Variants in CNTN4 observed in about 807,000 individuals in gnomAD.
The protein encoded by CNTN4 is contactin 4, also known as contactin-4.
In CNTN4, 77 loss-of-function variants were observed where a neutral mutation model predicts 122.5. The ratio of observed to expected loss-of-function variants is 0.63; its 90% CI spans 0.52 to 0.76. CNTN4 has a LOEUF of 0.76. Among genes scored for constraint, CNTN4 ranks in the 30% least tolerant of loss-of-function variants. The pLI is 0.00. For missense variants in CNTN4, 1,256 were observed against 1,259.1 expected (o/e 1.00, Z 0.04); for synonymous variants, 512 against 447.0 (o/e 1.15, Z -1.83).
chr3:2,521,259 A>G (rs886231778), intron 3 of CNTN4, among the ~76,000 whole-genome samples: 7 of 151,932 alleles, frequency 4.6e-5, no homozygotes, highest in Non-Finnish European at 7.4e-5. Flanking sequence ...GTTTGAAGAT[A>G]GGATTTTGTA....
intron 13 of CNTN4, among the ~76,000 whole-genome samples, chr3:2,937,100 C>A (rs2094573485): frequency 6.6e-6 from 1 of 152,222 alleles, no homozygotes; most frequent in Admixed American, 6.5e-5. Context: ...TTCATAGTAA[C>A]ATGATCTTCC....
intron 6 of CNTN4, among the ~76,000 whole-genome samples, chr3:2,754,038 A>G (rs1236592650): frequency 6.6e-6 from 1 of 152,210 alleles, no homozygotes; most frequent in Non-Finnish European, 1.5e-5. Flanking sequence ...TATGGTGAAT[A>G]ACTGGTTGGT....
At chr3:2,497,735 C>G (rs1455610387) in intron 3 of CNTN4, among the ~76,000 whole-genome samples, 3 of 152,146 alleles carry the variant, frequency 2.0e-5, no homozygotes, top group African/African-American at 7.2e-5. Flanking sequence ...TTTATTCTCT[C>G]TTATGACTTT....
In CNTN4 at chr3:2,179,345, T is replaced by A. The variant is rs556178789; in HGVS notation, c.-145+78706T>A. On this transcript the variant is annotated intron_variant, in intron 2 of 24. Coordinates refer to ENST00000418658, the MANE Select transcript of CNTN4 (RefSeq NM_175607.3). ...CTGTTCTTTGAATAAGGTAAAGCTG[T>A]CTAGCTGACAGTCCATAATGCCCCA... Among the ~76,000 whole-genome samples the A allele has an allele frequency of 3.1e-4, 47 of 152,144 alleles. No homozygotes were observed. The South Asian group carries it at 3.7e-3, about 12-fold the overall frequency.
At chr3:2,356,655 A>G (rs1559482162) in intron 3 of CNTN4, among the ~76,000 whole-genome samples, 1 of 152,138 alleles carries the variant, frequency 6.6e-6, no homozygotes, top group Admixed American at 6.5e-5. Context: ...TCCTGTGACT[A>G]AGAATGCCCA....
At chr3:3,030,744 CT>C in intron 15 of CNTN4, 110 bp from the exon 16 acceptor site, 1 of 1,283,750 alleles carries the variant, frequency 7.8e-7, no homozygotes, top group Non-Finnish European at 1.1e-6. Context: ...ATCACTAATG[CT>C]TTCATCAGCC....
chr3:3,043,300 CTG>C, intron 22 of CNTN4, 137 bp downstream of exon 22: 1 of 906,198 alleles, frequency 1.1e-6, no homozygotes, highest in Non-Finnish European at 1.8e-6. Context: ...AGCATTTTAA[CTG>C]AACCTTTCCG....
rs1559415576 is a variant in CNTN4, at chr3:2,287,679, GA to G, written c.-144-51497del. On this transcript the variant is annotated intron_variant, in intron 2 of 24. Transcript: ENST00000418658. Reference sequence around the variant, plus strand: ...AGAAGAAGAAGAAGAAGAAGAAGAAGAAGAAGAAGAAGAGGAAGAAGAAGAA... The same window carrying G: ...AGAAGAAGAAGAAGAAGAAGAAGAAGAGAAGAAGAAGAGGAAGAAGAAGAA... Among the ~76,000 whole-genome samples, 193 of 98,168 alleles carry G rather than the reference GA, an allele frequency of 2.0e-3. 4 individuals carry two copies. The highest frequency in any genetic ancestry group is 4.3e-3 in the Admixed American group (37 of 8,658). The allele number at this position is 98,168 out of a possible 152,430, so 64.4% of individuals were successfully genotyped here. A position where few individuals can be genotyped will look rare whatever the true frequency, so the allele number is the denominator to read the frequency against.
intron 3 of CNTN4, among the ~76,000 whole-genome samples, chr3:2,388,433 C>G (rs2046324448): frequency 6.6e-6 from 1 of 152,202 alleles, no homozygotes; most frequent in African/African-American, 2.4e-5. Flanking sequence ...TTCCTCTACT[C>G]TGGCCACACC....
intron 3 of CNTN4, among the ~76,000 whole-genome samples, chr3:2,533,481 G>A (rs4685526): frequency 0.048 from 5,875 of 121,444 alleles, 138 homozygotes; most frequent in Non-Finnish European, 0.073. Flanking sequence ...TTTTATGGCT[G>A]CATAGTATTC....
chr3:2,801,777 GT>G (rs11347298), intron 6 of CNTN4, among the ~76,000 whole-genome samples: 51,158 of 151,664 alleles, frequency 0.34, 9,099 homozygotes, highest in East Asian at 0.65. Flanking sequence ...CCCTGAAAGT[GT>G]TTTTTTATTC....
At chr3:2,974,299 A>T (rs571690450) in intron 13 of CNTN4, among the ~76,000 whole-genome samples, 1 of 152,224 alleles carries the variant, frequency 6.6e-6, no homozygotes, top group East Asian at 1.9e-4. Context: ...TTAATTTTGA[A>T]CTTTGAAACA....
intron 3 of CNTN4, among the ~76,000 whole-genome samples, chr3:2,394,702 C>G (rs1168093622): frequency 6.6e-6 from 1 of 151,666 alleles, no homozygotes; most frequent in Non-Finnish European, 1.5e-5. Context: ...TGCTATGACT[C>G]AGCCATTATG....
Position 2,098,871 on chromosome 3 carries a change from A to C in CNTN4, c.-334A>C, listed in dbSNP as rs1574814509. The C allele has an allele frequency of 6.6e-6, 1 of 152,250 alleles. No homozygotes were observed. The highest frequency in any genetic ancestry group is 2.1e-4 in the South Asian group (1 of 4,832). 9.4% of individuals were successfully genotyped at this position (152,250 alleles called of 1,614,324 possible). A position where few individuals can be genotyped will look rare whatever the true frequency, so the allele number is the denominator to read the frequency against. ...CGCGCCAGACGGAGCCCGGGGTTCG[A>C]CGCCAGGATTGGCTGCAAGTAGGGA... is the stretch of plus-strand genomic sequence containing the variant. On this transcript the variant is annotated 5_prime_UTR_variant, in exon 1 of 25. Coordinates refer to ENST00000418658, the MANE Select transcript of CNTN4 (RefSeq NM_175607.3).
At chr3:2,532,893 A>G (rs1391850678) in intron 3 of CNTN4, among the ~76,000 whole-genome samples, 1 of 152,120 alleles carries the variant, frequency 6.6e-6, no homozygotes, top group African/African-American at 2.4e-5. Flanking sequence ...AAAAGAGATT[A>G]TATTTTACTG....
intron 3 of CNTN4, among the ~76,000 whole-genome samples, chr3:2,408,493 G>C (rs2047115444): frequency 6.6e-6 from 1 of 152,168 alleles, no homozygotes; most frequent in African/African-American, 2.4e-5. Context: ...GATGCTGAGA[G>C]TCACTCATAG....
At position 2,840,556 on chromosome 3, in the gene CNTN4, G is replaced by A. The variant is rs1481005863; in HGVS notation, c.454+20975G>A. On this transcript the variant is annotated intron_variant, in intron 7 of 24. Transcript: ENST00000418658. Reference sequence around the variant, plus strand: ...TCTACTAAAAATACAAAAATTAGCCGGGCGCGGTGATGGGCGCCTGTAGTC... The same window carrying A: ...TCTACTAAAAATACAAAAATTAGCCAGGCGCGGTGATGGGCGCCTGTAGTC... Among the ~76,000 whole-genome samples the A allele has an allele frequency of 2.7e-4, 7 of 25,660 alleles. 2 individuals are homozygous for A. Among genetic ancestry groups the A allele is most frequent in the Non-Finnish European group, 4.0e-4 (2 of 5,002 alleles). 16.8% of individuals were successfully genotyped at this position (25,660 alleles called of 152,430 possible).
Position 2,611,914 on chromosome 3 carries a change from T to C in CNTN4, c.55+40356T>C, listed in dbSNP as rs1472243915. Among the ~76,000 whole-genome samples, 13 of 152,124 alleles carry C rather than the reference T, an allele frequency of 8.5e-5. No homozygotes were observed. The South Asian group carries it at 1.0e-3, about 12-fold the overall frequency. On this transcript the variant is annotated intron_variant, in intron 4 of 24. Transcript: ENST00000418658. ...ATTTCTTTTGATTGCAATAAACTTA[T>C]GGTGAGACACACTACTAGGTGGCCC... is the stretch of plus-strand genomic sequence containing the variant.
At chr3:3,018,536 G>A (rs539986173) in intron 14 of CNTN4, among the ~76,000 whole-genome samples, 1 of 152,186 alleles carries the variant, frequency 6.6e-6, no homozygotes, top group Admixed American at 6.6e-5. Context: ...TGGAGACATG[G>A]CTGTGGGTGG....
Sources: gnomAD v4.1 joint callset for allele counts (sites outside exome capture counted in the v4.1 genomes callset) on GRCh38, gnomAD v4.1.1 for gene constraint, MANE v1.5 for transcripts, NCBI Gene and HGNC (gene_info 2026-07-23, HGNC 2026-07-21) for gene names.